SRP72: variants seen among roughly 807,000 people sequenced by gnomAD.
SRP72 encodes signal recognition particle subunit SRP72.
In SRP72, 49 loss-of-function variants were observed where a neutral mutation model predicts 96.3. The observed-to-expected ratio is 0.51, with a 90% confidence interval of 0.40 to 0.65. SRP72 has a LOEUF of 0.65. SRP72 is among the 30% of genes least tolerant of loss of function. The probability of loss-of-function intolerance (pLI) is 0.00; values close to 1 mark genes in which losing one functional copy is unlikely to be tolerated. For missense variants in SRP72, 736 were observed against 793.3 expected (o/e 0.93, Z 0.87); for synonymous variants, 267 against 275.2 (o/e 0.97, Z 0.30).
chr4:56,479,346 A>C (rs1720378709), intron 8 of SRP72, among the ~76,000 whole-genome samples: 2 of 151,286 alleles, frequency 1.3e-5, no homozygotes, highest in Admixed American at 1.3e-4. Context: ...TGCCTGTCTA[A>C]TTTTTCGTAT....
At chr4:56,483,344 C>A in intron 9 of SRP72, 74 bp downstream of exon 9, 2 of 1,401,484 alleles carry the variant, frequency 1.4e-6, no homozygotes, top group South Asian at 1.3e-5. Flanking sequence ...GGATATTAGT[C>A]TAATCTTTTT....
At chr4:56,475,580 GAATTAT>G (rs1450651141) in intron 5 of SRP72, 1 of 131,736 alleles carries the variant, frequency 7.6e-6, no homozygotes, top group Admixed American at 8.0e-5. Flanking sequence ...AAAAAAAAAA[GAATTAT>G]AATTTCCTGA....
At position 56,500,657 on chromosome 4, in the gene SRP72, A is replaced by G. The variant is rs766240259; in HGVS notation, c.1800A>G (p.Lys600=). 1 of 1,613,750 alleles carries G rather than the reference A, an allele frequency of 6.2e-7. No individual in the cohort carries two copies. Among genetic ancestry groups the G allele is most frequent in the Admixed American group, 1.7e-5 (1 of 59,986 alleles). Residue 600 remains lysine (K), a synonymous_variant, in exon 18 of 19, where the codon AAA becomes AAG. Coordinates refer to ENST00000642900, the MANE Select transcript of SRP72 (RefSeq NM_006947.4). Reference sequence around the variant, plus strand: ...GTAAAAAGAAGGATCAGATTGGAAAAGGGACCCAGGGAGCAACTGCAGGAG... The same window carrying G: ...GTAAAAAGAAGGATCAGATTGGAAAGGGGACCCAGGGAGCAACTGCAGGAG... ...KKGKKKDQIG[K]GTQGATAGAS... is the part of the protein sequence containing the mutation.
chr4:56,489,826 T>C (rs979057499), intron 13 of SRP72, among the ~76,000 whole-genome samples: 1 of 152,208 alleles, frequency 6.6e-6, no homozygotes, highest in Non-Finnish European at 1.5e-5. Flanking sequence ...TGGTAGTAAT[T>C]AGTACAACAG....
chr4:56,485,580 C>A (rs770956014), intron 10 of SRP72, among the ~76,000 whole-genome samples: 1 of 152,052 alleles, frequency 6.6e-6, no homozygotes, highest in Non-Finnish European at 1.5e-5. Flanking sequence ...TCAGGCAGAT[C>A]ATCTGAGGTC....
At chr4:56,483,054 T>C in intron 8 of SRP72, 85 bp from the exon 9 acceptor site, 3 of 1,286,196 alleles carry the variant, frequency 2.3e-6, no homozygotes, top group Non-Finnish European at 3.2e-6. Flanking sequence ...CAAGCTCTCC[T>C]GCTGTATCTA....
At chr4:56,496,446 TC>T (rs886331027) in intron 17 of SRP72, among the ~76,000 whole-genome samples, 1 of 152,240 alleles carries the variant, frequency 6.6e-6, no homozygotes, top group African/African-American at 2.4e-5. Flanking sequence ...TCTTATTGGT[TC>T]TTTTGTCACA....
intron 12 of SRP72, among the ~76,000 whole-genome samples, chr4:56,488,758 T>C (rs1248819704): frequency 6.6e-6 from 1 of 152,238 alleles, no homozygotes; most frequent in African/African-American, 2.4e-5. Context: ...TTAATATCTA[T>C]AGAACCTCTC....
At position 56,476,887 on chromosome 4, in the gene SRP72, AC is replaced by A. The variant is rs994796057; in HGVS notation, c.642+186del. 3.4e-5 allele frequency: 20 copies of A among 591,918 alleles called. No individual in the cohort carries two copies. The African/African-American group carries it at 3.8e-4, about 11-fold the overall frequency. The allele number at this position is 591,918 out of a possible 1,614,324, so 36.7% of individuals were successfully genotyped here. ...GTCTACTAGAGTGAGAAATCACAAT[AC>A]AAAAAATTTTGACATAACCTTAAGC... is the stretch of plus-strand genomic sequence containing the variant. On this transcript the variant is annotated intron_variant, in intron 6 of 18. Transcript: ENST00000642900.
intron 3 of SRP72, 135 bp from the exon 4 acceptor site, chr4:56,473,918 TA>T: frequency 1.3e-6 from 1 of 795,756 alleles, no homozygotes; most frequent in Non-Finnish European, 1.9e-6. Flanking sequence ...TTAAAAATTA[TA>T]AAACATAAAC....
intron 13 of SRP72, among the ~76,000 whole-genome samples, chr4:56,489,999 C>G (rs1444358918): frequency 2.6e-5 from 4 of 152,058 alleles, no homozygotes; most frequent in Non-Finnish European, 5.9e-5. Flanking sequence ...TATCAGTGCT[C>G]TGGGAAAGTA....
rs750172067 is a variant in SRP72, at chr4:56,500,647, A to G, written c.1790A>G (p.Gln597Arg). The change falls in exon 18 of 19, where the codon CAG becomes CGG. Residue 597 changes from glutamine (Q) to arginine (R), a missense_variant. Transcript: ENST00000642900. ...RGRKKGKKKD[Q>R]IGKGTQGATA... ...AGAAAGAAGGGTAAAAAGAAGGATCAGATTGGAAAAGGGACCCAGGGAGCA... is the reference window on the plus strand; with the variant it reads ...AGAAAGAAGGGTAAAAAGAAGGATCGGATTGGAAAAGGGACCCAGGGAGCA... 12 of 1,613,846 alleles carry G rather than the reference A, an allele frequency of 7.4e-6. No homozygotes were observed.
At chr4:56,484,940 A>G in intron 10 of SRP72, 76 bp downstream of exon 10, 3 of 1,500,062 alleles carry the variant, frequency 2.0e-6, no homozygotes, top group Admixed American at 5.0e-5. Flanking sequence ...ATAACCTACT[A>G]GCATGTAAAT....
chr4:56,479,179 T>G (rs1191706633), intron 8 of SRP72, among the ~76,000 whole-genome samples: 1 of 151,522 alleles, frequency 6.6e-6, no homozygotes, highest in East Asian at 1.9e-4. Flanking sequence ...GGAACACTCT[T>G]TTTTGTTTTG....
intron 17 of SRP72, among the ~76,000 whole-genome samples, chr4:56,495,919 C>G (rs1271536536): frequency 6.6e-6 from 1 of 152,202 alleles, no homozygotes; most frequent in Non-Finnish European, 1.5e-5. Flanking sequence ...CCATTAGAGT[C>G]ATATGATGTA....
Position 56,490,592 on chromosome 4 carries a change from C to G in SRP72, c.1449C>G (p.Thr483=), listed in dbSNP as rs539566015. ...LWKQNPKDIH[T]LAQLISAYSL... ...GACAAAATCCAAAAGATATTCACAC[C>G]CTGGCACAGCTTATTTCTGCTTACT... is the stretch of plus-strand genomic sequence containing the variant. Residue 483 remains threonine (T), a synonymous_variant, in exon 15 of 19, where the codon ACC becomes ACG. Coordinates refer to ENST00000642900, the MANE Select transcript of SRP72 (RefSeq NM_006947.4). 6.2e-7 allele frequency: 1 copy of G among 1,613,818 alleles called. No individual in the cohort carries two copies. Among genetic ancestry groups the G allele is most frequent in the East Asian group, 2.2e-5 (1 of 44,860 alleles).
At chr4:56,500,901 T>C (rs1453736746) in intron 18 of SRP72, among the ~76,000 whole-genome samples, 2 of 152,200 alleles carry the variant, frequency 1.3e-5, no homozygotes, top group Admixed American at 1.3e-4. Context: ...TTCAGTCAAA[T>C]AGTTTTAAGT....
chr4:56,492,993 A>G (rs1371235962), intron 16 of SRP72, among the ~76,000 whole-genome samples: 1 of 152,154 alleles, frequency 6.6e-6, no homozygotes, highest in Non-Finnish European at 1.5e-5. Flanking sequence ...CTCTAAAAAT[A>G]ATAAGTTTTT....
At chr4:56,477,911 T>A (rs921663101) in intron 6 of SRP72, among the ~76,000 whole-genome samples, 1 of 152,236 alleles carries the variant, frequency 6.6e-6, no homozygotes, top group Admixed American at 6.5e-5. Context: ...TGTATGGTGT[T>A]AATTGGAATT....
Sources: gnomAD v4.1 joint callset for allele counts (sites outside exome capture counted in the v4.1 genomes callset) on GRCh38, gnomAD v4.1.1 for gene constraint, MANE v1.5 for transcripts, NCBI Gene and HGNC (gene_info 2026-07-23, HGNC 2026-07-21) for gene names.